The following CNOT6L variants were observed in gnomAD, a reference collection of about 807,000 sequenced individuals.
The protein encoded by CNOT6L is CCR4-NOT transcription complex subunit 6-like.
Under a neutral mutation model 64.0 loss-of-function variants are expected in CNOT6L, and 7 were observed. That is an observed-to-expected ratio of 0.11 (90% CI 0.06 to 0.21). The LOEUF is 0.21. Ranked by LOEUF, CNOT6L falls within the 10% of genes least tolerant of loss-of-function variation. CNOT6L has a pLI of 1.00. For synonymous variants in CNOT6L, 193 were observed against 243.4 expected (o/e 0.79, Z 1.93); for missense variants, 245 against 669.0 (o/e 0.37, Z 6.99).
Position 77,729,026 on chromosome 4 carries a change from G to A in CNOT6L, c.1080C>T (p.His360=), listed in dbSNP as rs1377061174. 1 of 1,613,496 alleles carries A rather than the reference G, an allele frequency of 6.2e-7. No individual in the cohort carries two copies. Among genetic ancestry groups the A allele is most frequent in the Non-Finnish European group, 8.5e-7 (1 of 1,179,596 alleles). Residue 360 remains histidine, a synonymous_variant, in exon 10 of 12, where the codon CAC becomes CAT. Transcript: ENST00000504123. ...CAGAATACTCTGGGTCCCAATGCATGTGGGCATTTGCCACTATAAGCAGCT... is the reference window on the plus strand; with the variant it reads ...CAGAATACTCTGGGTCCCAATGCATATGGGCATTTGCCACTATAAGCAGCT... ...DKQLLIVANA[H]MHWDPEYSDV...
intron 1 of CNOT6L, among the ~76,000 whole-genome samples, chr4:77,792,019 CAG>C (rs1415043522): frequency 2.0e-5 from 3 of 152,090 alleles, no homozygotes; most frequent in African/African-American, 7.2e-5. Flanking sequence ...TAAAATTACC[CAG>C]AGTTACTTTA....
Position 77,744,750 on chromosome 4 carries a change from C to A in CNOT6L, c.685G>T (p.Val229Phe). The change falls in exon 7 of 12, where the codon GTT (valine) becomes TTT (phenylalanine). Residue 229 changes from valine (V) to phenylalanine (F), a missense_variant. Val to Phe is a conservative substitution (Grantham distance 50). This residue lies in a region of CNOT6L where 94 missense variants were observed against 290.9 expected (regional missense o/e 0.32). Transcript: ENST00000504123. ...YRKKGIMEEIVNCDADIISLQ... is the reference protein window; with the variant it reads ...YRKKGIMEEIFNCDADIISLQ... ...CTAATGATATCTGCGTCACAGTTAA[C>A]AATTTCTTCCATAATTCCCTTTTTC... 6.2e-7 allele frequency: 1 copy of A among 1,613,166 alleles called. No individual in the cohort carries two copies. Among genetic ancestry groups the A allele is most frequent in the Non-Finnish European group, 8.5e-7 (1 of 1,179,546 alleles).
At chr4:77,819,183 C>G in intron 1 of CNOT6L, 121 bp downstream of exon 1, 1 of 1,598,452 alleles carries the variant, frequency 6.3e-7, no homozygotes, top group South Asian at 1.1e-5. Context: ...CCTCCCCGCC[C>G]GCCAAAGTCC....
intron 5 of CNOT6L, 44 bp from the exon 6 acceptor site, chr4:77,748,428 G>C: frequency 8.3e-7 from 1 of 1,206,674 alleles, no homozygotes; most frequent in Non-Finnish European, 1.2e-6. Flanking sequence ...ATGTGTTTCT[G>C]AAATCTGAAA....
chr4:77,807,255 C>T (rs540600849), intron 1 of CNOT6L, among the ~76,000 whole-genome samples: 2 of 121,330 alleles, frequency 1.6e-5, no homozygotes, highest in Admixed American at 2.0e-4. Flanking sequence ...TCCAGCATGG[C>T]GACAGAGTGA....
intron 8 of CNOT6L, among the ~76,000 whole-genome samples, chr4:77,735,737 C>A (rs1722880257): frequency 1.3e-5 from 2 of 152,128 alleles, no homozygotes; most frequent in Non-Finnish European, 2.9e-5. Flanking sequence ...TCGTCAATTA[C>A]TGATTATACA....
At position 77,776,234 on chromosome 4, in the gene CNOT6L, A is replaced by T. The variant is rs769365535; in HGVS notation, c.127+37T>A. The T allele has an allele frequency of 1.9e-6, 3 of 1,600,006 alleles. No homozygotes were observed. The African/African-American group carries it at 4.0e-5, about 22-fold the overall frequency. On this transcript the variant is annotated intron_variant, in intron 2 of 11. Coordinates refer to ENST00000504123, the MANE Select transcript of CNOT6L (RefSeq NM_144571.3). The stretch of plus-strand genomic sequence containing the variant: ...AATACTCAACTTTTGTATTATCACT[A>T]TTACATTCCAGATTAAATGCTTCAG...
At chr4:77,763,968 AC>A (rs976372511) in intron 4 of CNOT6L, among the ~76,000 whole-genome samples, 2 of 152,238 alleles carry the variant, frequency 1.3e-5, no homozygotes, top group African/African-American at 4.8e-5. Context: ...AGTGTATGCA[AC>A]AAAAAAGTAG....
chr4:77,722,982 ATAT>A (rs1309121678), intron 11 of CNOT6L, among the ~76,000 whole-genome samples: 2 of 55,382 alleles, frequency 3.6e-5, no homozygotes, highest in African/African-American at 8.1e-5. Flanking sequence ...CACAACGAAA[ATAT>A]TAATAGTCTG....
At chr4:77,778,696 C>T (rs867444697) in intron 1 of CNOT6L, among the ~76,000 whole-genome samples, 1 of 151,978 alleles carries the variant, frequency 6.6e-6, no homozygotes, top group Non-Finnish European at 1.5e-5. Flanking sequence ...TCCCAAAGTG[C>T]TGGGATTACA....
At chr4:77,765,478 T>C (rs1189543821) in intron 4 of CNOT6L, among the ~76,000 whole-genome samples, 1 of 152,232 alleles carries the variant, frequency 6.6e-6, no homozygotes, top group East Asian at 1.9e-4. Flanking sequence ...TTTACAGGAC[T>C]GTTTTACCAA....
In CNOT6L at chr4:77,742,148, T is replaced by C. The variant is rs1162621084; in HGVS notation, c.865A>G (p.Thr289Ala). Reference protein sequence around the residue: ...HVDGCAIFFKTEKFTLVQKHT... With the variant: ...HVDGCAIFFKAEKFTLVQKHT... Reference sequence around the variant, plus strand: ...TTTGTTTCCTTAACTTACTTTTCTGTTTTGAAGAATATTGCACAACCATCT... The same window carrying C: ...TTTGTTTCCTTAACTTACTTTTCTGCTTTGAAGAATATTGCACAACCATCT... Residue 289 changes from threonine to alanine, a missense_variant, in exon 8 of 12, where the codon ACA becomes GCA. Around this residue, in one of 10 missense-constraint regions of CNOT6L, gnomAD observed 94 missense variants for 290.9 expected, o/e 0.32. Transcript: ENST00000504123. 17 of 1,612,790 alleles carry C rather than the reference T, an allele frequency of 1.1e-5. No homozygotes were observed. The highest frequency in any genetic ancestry group is 1.4e-5 in the Non-Finnish European group (17 of 1,179,326).
At chr4:77,775,550 A>G (rs1260805796) in intron 2 of CNOT6L, among the ~76,000 whole-genome samples, 1 of 152,146 alleles carries the variant, frequency 6.6e-6, no homozygotes, top group Non-Finnish European at 1.5e-5. Context: ...ATTTGTCAAA[A>G]CTAGGAAACC....
chr4:77,793,694 G>A (rs1225014015), intron 1 of CNOT6L, among the ~76,000 whole-genome samples: 1 of 152,130 alleles, frequency 6.6e-6, no homozygotes, highest in African/African-American at 2.4e-5. Context: ...GTGTTGGGTA[G>A]GGGAGCTGAG....
At chr4:77,737,806 T>C (rs1476872696) in intron 8 of CNOT6L, among the ~76,000 whole-genome samples, 2 of 152,150 alleles carry the variant, frequency 1.3e-5, no homozygotes, top group Non-Finnish European at 2.9e-5. Context: ...TTATTATCTA[T>C]ATTCGAAAGG....
At chr4:77,800,313 G>A (rs920561567) in intron 1 of CNOT6L, among the ~76,000 whole-genome samples, 2 of 151,968 alleles carry the variant, frequency 1.3e-5, no homozygotes, top group Admixed American at 6.6e-5. Context: ...GCCAGCCTGG[G>A]CAACATAGTG....
intron 1 of CNOT6L, among the ~76,000 whole-genome samples, chr4:77,793,598 T>TGAGGACAGAGCAG (rs146052713): frequency 0.01 from 1,597 of 152,200 alleles, 31 homozygotes; most frequent in African/African-American, 0.036. Context: ...TGGAAAACTC[T>TGAGGACAGAGCAG]GAGGACAGAG....
At chr4:77,749,809 T>C (rs1349532294) in intron 5 of CNOT6L, among the ~76,000 whole-genome samples, 3 of 152,196 alleles carry the variant, frequency 2.0e-5, no homozygotes, top group Non-Finnish European at 2.9e-5. Flanking sequence ...GAATATAAAT[T>C]AGTACAGCTA....
intron 5 of CNOT6L, among the ~76,000 whole-genome samples, chr4:77,754,787 TA>T (rs1325166325): frequency 6.8e-6 from 1 of 146,318 alleles, no homozygotes; most frequent in Non-Finnish European, 1.5e-5. Context: ...AAGATGACAT[TA>T]AAAAACAATA....
Sources: gnomAD v4.1 joint callset for allele counts (sites outside exome capture counted in the v4.1 genomes callset) on GRCh38, gnomAD v4.1.1 for gene constraint, gnomAD v4.1.1 regional missense constraint, MANE v1.5 for transcripts, NCBI Gene and HGNC (gene_info 2026-07-23, HGNC 2026-07-21) for gene names.